The following RBM33 variants were observed in gnomAD, a reference collection of about 807,000 sequenced individuals.
RBM33 encodes RNA binding motif protein 33.
A neutral mutation model predicts 132.6 loss-of-function variants in RBM33; 28 were observed. That is an observed-to-expected ratio of 0.21 (90% confidence interval 0.16 to 0.29). The LOEUF is 0.29. Ranked by LOEUF, RBM33 falls within the 10% of genes least tolerant of loss-of-function variation. The pLI is 1.00. For missense variants in RBM33, 1,291 were observed against 1,518.5 expected (o/e 0.85, Z 2.49); for synonymous variants, 634 against 593.0 (o/e 1.07, Z -1.01).
intron 5 of RBM33, among the ~76,000 whole-genome samples, chr7:155,696,981 G>A (rs772890663): frequency 9.9e-5 from 15 of 152,148 alleles, no homozygotes; most frequent in Non-Finnish European, 1.9e-4. Context: ...TGGAACCCTT[G>A]TGCCACTGGG....
chr7:155,692,105 G>T (rs1019968940), intron 5 of RBM33, among the ~76,000 whole-genome samples: 1 of 151,734 alleles, frequency 6.6e-6, no homozygotes, highest in African/African-American at 2.4e-5. Context: ...TCTCTTGTGT[G>T]GGGGAGGAGG....
chr7:155,662,599 T>G (rs1798683189), intron 1 of RBM33, among the ~76,000 whole-genome samples: 1 of 152,088 alleles, frequency 6.6e-6, no homozygotes, highest in Non-Finnish European at 1.5e-5. Context: ...ACCCTTGCCT[T>G]AGGAGCTGAG....
chr7:155,768,547 A>G (rs935254649), intron 16 of RBM33, among the ~76,000 whole-genome samples: 1 of 152,214 alleles, frequency 6.6e-6, no homozygotes, highest in Non-Finnish European at 1.5e-5. Flanking sequence ...GGTGGTGTCT[A>G]CACCAGGAGG....
At chr7:155,724,987 GGTTTGTGT>G (rs1215179130) in intron 9 of RBM33, among the ~76,000 whole-genome samples, 1 of 107,270 alleles carries the variant, frequency 9.3e-6, no homozygotes. Context: ...TTTGTGTACA[GGTTTGTGT>G]GTGTGTGTGT....
chr7:155,769,594 G>C (rs1376780978), intron 16 of RBM33, among the ~76,000 whole-genome samples: 1 of 152,166 alleles, frequency 6.6e-6, no homozygotes, highest in African/African-American at 2.4e-5. Context: ...GAGGCCCTGT[G>C]AACTCGGTGG....
chr7:155,715,511 G>C (rs1240393411), intron 8 of RBM33, among the ~76,000 whole-genome samples: 1 of 152,144 alleles, frequency 6.6e-6, no homozygotes, highest in East Asian at 1.9e-4. Context: ...TAGAATGCAG[G>C]CCTTGCACCC....
intron 3 of RBM33, among the ~76,000 whole-genome samples, chr7:155,675,698 TG>T (rs1459958736): frequency 2.6e-5 from 4 of 152,204 alleles, no homozygotes; most frequent in Non-Finnish European, 4.4e-5. Context: ...GATATTTTAA[TG>T]GACAAATCTT....
Position 155,771,253 on chromosome 7 carries a change from G to T in RBM33, c.3376-3306G>T, listed in dbSNP as rs560328447. On this transcript the variant is annotated intron_variant, in intron 16 of 17. Transcript: ENST00000401878. Reference sequence around the variant, plus strand: ...TTTCACAGTGGAAGCTGGCGACCATGTCTTTAAGCTTTCACTGGAAAGTTT... The same window carrying T: ...TTTCACAGTGGAAGCTGGCGACCATTTCTTTAAGCTTTCACTGGAAAGTTT... Among the ~76,000 whole-genome samples the T allele has an allele frequency of 3.3e-5, 5 of 152,316 alleles. No individual in the cohort carries two copies. The South Asian group carries it at 1.0e-3, about 32-fold the overall frequency.
At chr7:155,649,777 G>A (rs1446411238) in intron 1 of RBM33, among the ~76,000 whole-genome samples, 1 of 152,124 alleles carries the variant, frequency 6.6e-6, no homozygotes, top group Non-Finnish European at 1.5e-5. Flanking sequence ...TCCTCAAATG[G>A]CTGGAGCTGC....
chr7:155,645,820 A>G (rs557379513), intron 1 of RBM33, among the ~76,000 whole-genome samples: 1 of 152,194 alleles, frequency 6.6e-6, no homozygotes, highest in Admixed American at 6.5e-5. Flanking sequence ...TATACTCGAG[A>G]AGTATTTTTT....
intron 7 of RBM33, among the ~76,000 whole-genome samples, chr7:155,708,388 A>G (rs1800177819): frequency 6.6e-6 from 1 of 152,206 alleles, no homozygotes; most frequent in Admixed American, 6.5e-5. Flanking sequence ...CCATATGTTG[A>G]ATAGCCATTT....
intron 5 of RBM33, among the ~76,000 whole-genome samples, chr7:155,695,699 G>A (rs1419409293): frequency 6.6e-6 from 1 of 152,190 alleles, no homozygotes; most frequent in African/African-American, 2.4e-5. Flanking sequence ...GACCTCAAGT[G>A]ATCTGCCCGC....
chr7:155,730,770 C>A (rs1352567723), intron 9 of RBM33, among the ~76,000 whole-genome samples: 1 of 152,184 alleles, frequency 6.6e-6, no homozygotes, highest in African/African-American at 2.4e-5. Context: ...ATTTTCGGGG[C>A]TTTGTTACGT....
chr7:155,684,822 T>C, intron 5 of RBM33: 1 of 1,227,110 alleles, frequency 8.1e-7, no homozygotes. Context: ...CTAATCACCA[T>C]AGTAAAACTT....
At chr7:155,686,400 G>A (rs1382072892) in intron 5 of RBM33, among the ~76,000 whole-genome samples, 5 of 152,134 alleles carry the variant, frequency 3.3e-5, no homozygotes, top group African/African-American at 1.2e-4. Context: ...ATCATTCCAG[G>A]TGGTAAATAG....
In RBM33 at chr7:155,711,389, C is replaced by T. The variant is rs1800293850; in HGVS notation, c.1135C>T (p.Pro379Ser). Reference protein sequence around the residue: ...RMMMTPPPVTPQQPKNIHINP... With the variant: ...RMMMTPPPVTSQQPKNIHINP... ...GATGATGACCCCGCCACCCGTGACT[C>T]CACAGCAGCCCAAGAACATACACAT... is the stretch of plus-strand genomic sequence containing the variant. Residue 379 changes from proline (P) to serine (S), a missense_variant, in exon 8 of 18, where the codon CCA becomes TCA. Around this residue, in one of 7 missense-constraint regions of RBM33, gnomAD observed 146 missense variants for 137.1 expected, o/e 1.07. Transcript: ENST00000401878. The T allele has an allele frequency of 2.4e-5, 38 of 1,572,308 alleles. No homozygotes were observed. The highest frequency in any genetic ancestry group is 3.1e-5 in the Non-Finnish European group (36 of 1,160,010).
chr7:155,688,087 A>G (rs1209895076), intron 5 of RBM33, among the ~76,000 whole-genome samples: 2 of 152,090 alleles, frequency 1.3e-5, no homozygotes, highest in African/African-American at 4.8e-5. Context: ...TTTTCACGAT[A>G]TTAATTCTTC....
At chr7:155,661,669 A>G (rs1450729595) in intron 1 of RBM33, among the ~76,000 whole-genome samples, 1 of 152,062 alleles carries the variant, frequency 6.6e-6, no homozygotes, top group Admixed American at 6.5e-5. Flanking sequence ...TGGCCTCCCA[A>G]AGTGCTGGGA....
chr7:155,750,698 T>TA (rs1554484980), intron 14 of RBM33, among the ~76,000 whole-genome samples: 1 of 152,044 alleles, frequency 6.6e-6, no homozygotes, highest in Non-Finnish European at 1.5e-5. Flanking sequence ...CAATAAATGT[T>TA]ACCACCCTTT....
Sources: gnomAD v4.1 joint callset for allele counts (sites outside exome capture counted in the v4.1 genomes callset) on GRCh38, gnomAD v4.1.1 for gene constraint, gnomAD v4.1.1 regional missense constraint, MANE v1.5 for transcripts, NCBI Gene and HGNC (gene_info 2026-07-23, HGNC 2026-07-21) for gene names.